DIS3L2: variants seen among roughly 807,000 people sequenced by gnomAD.
The protein encoded by DIS3L2 is DIS3-like exonuclease 2.
In DIS3L2, 34 loss-of-function variants were observed where a neutral mutation model predicts 97.5. That is an observed-to-expected ratio of 0.35 (90% CI 0.27 to 0.46). The LOEUF is 0.46. DIS3L2 is among the 20% of genes least tolerant of loss of function. The pLI, the probability that DIS3L2 is intolerant of heterozygous loss-of-function variation, is 1.00. For missense variants in DIS3L2, 1,038 were observed against 1,146.0 expected, an observed-to-expected ratio of 0.91 and a Z score of 1.36; for synonymous variants, 435 against 445.2, an observed-to-expected ratio of 0.98 and a Z score of 0.29.
chr2:232,253,765 A>G (rs1693479496), intron 12 of DIS3L2, among the ~76,000 whole-genome samples: 1 of 152,222 alleles, frequency 6.6e-6, no homozygotes, highest in South Asian at 2.1e-4. Flanking sequence ...AGTAGCAGAC[A>G]GGTTATATAG....
intron 1 of DIS3L2, among the ~76,000 whole-genome samples, chr2:232,013,415 C>G (rs1694266153): frequency 6.6e-6 from 1 of 152,224 alleles, no homozygotes; most frequent in Non-Finnish European, 1.5e-5. Context: ...CACTGCCTCC[C>G]TTCATATAGG....
At chr2:232,249,735 G>C (rs1693367129) in intron 12 of DIS3L2, among the ~76,000 whole-genome samples, 1 of 152,220 alleles carries the variant, frequency 6.6e-6, no homozygotes, top group Non-Finnish European at 1.5e-5. Flanking sequence ...ATTAGGTAAA[G>C]TGGGAAGTTT....
At chr2:232,227,856 C>T (rs1692689198) in intron 10 of DIS3L2, among the ~76,000 whole-genome samples, 1 of 152,256 alleles carries the variant, frequency 6.6e-6, no homozygotes, top group Non-Finnish European at 1.5e-5. Context: ...AGTTTATAGG[C>T]ATTTTAATAC....
At chr2:232,279,881 AT>A (rs1694238278) in intron 13 of DIS3L2, among the ~76,000 whole-genome samples, 2 of 152,094 alleles carry the variant, frequency 1.3e-5, no homozygotes, top group Admixed American at 6.5e-5. Context: ...CAGGTTTGTG[AT>A]TTGCAAATAC....
At chr2:232,108,067 G>A (rs777561430) in intron 6 of DIS3L2, among the ~76,000 whole-genome samples, 4 of 152,138 alleles carry the variant, frequency 2.6e-5, no homozygotes, top group Non-Finnish European at 5.9e-5. Flanking sequence ...AAACCTGGCA[G>A]AGTTAAATCA....
chr2:232,128,519 A>G (rs1354872182), intron 6 of DIS3L2, among the ~76,000 whole-genome samples: 1 of 127,194 alleles, frequency 7.9e-6, no homozygotes, highest in Non-Finnish European at 1.5e-5. Flanking sequence ...CAGTGGTGCA[A>G]TCTTGGCTCA....
At chr2:232,253,318 T>C (rs866048780) in intron 12 of DIS3L2, among the ~76,000 whole-genome samples, 8 of 152,308 alleles carry the variant, frequency 5.3e-5, no homozygotes, top group Middle Eastern at 3.4e-3. Flanking sequence ...GTGCCACCAG[T>C]GTAAATGTCA....
chr2:232,299,345 CCTT>C (rs895111839), intron 13 of DIS3L2, among the ~76,000 whole-genome samples: 26 of 152,304 alleles, frequency 1.7e-4, no homozygotes, highest in Non-Finnish European at 3.5e-4. Flanking sequence ...CTCATCTACT[CCTT>C]CTTTTTCTTT....
chr2:232,076,389 A>C (rs1003652503), intron 5 of DIS3L2, among the ~76,000 whole-genome samples: 2 of 152,180 alleles, frequency 1.3e-5, no homozygotes, highest in Non-Finnish European at 1.5e-5. Context: ...GGGCTGGACC[A>C]GTTCACATTC....
At chr2:232,091,750 A>G (rs555625152) in intron 6 of DIS3L2, among the ~76,000 whole-genome samples, 5 of 152,120 alleles carry the variant, frequency 3.3e-5, no homozygotes, top group African/African-American at 7.2e-5. Context: ...GATTATACTA[A>G]TTTACATTCT....
chr2:232,028,304 C>T (rs1393461766), intron 4 of DIS3L2, among the ~76,000 whole-genome samples: 1 of 152,106 alleles, frequency 6.6e-6, no homozygotes, highest in Non-Finnish European at 1.5e-5. Context: ...GAGCTGAAAT[C>T]TTTGGCCTAA....
chr2:232,126,360 T>A (rs1698065114), intron 6 of DIS3L2, among the ~76,000 whole-genome samples: 1 of 152,226 alleles, frequency 6.6e-6, no homozygotes, highest in Non-Finnish European at 1.5e-5. Flanking sequence ...GAAGTTAATT[T>A]CTATCTCACG....
intron 1 of DIS3L2, among the ~76,000 whole-genome samples, chr2:232,000,708 C>T: frequency 8.8e-6 from 1 of 113,808 alleles, no homozygotes; most frequent in African/African-American, 3.3e-5. Flanking sequence ...TTCTTTCCTT[C>T]TTTCTTTCTT....
chr2:232,091,530 C>T (rs1696836828), intron 6 of DIS3L2, among the ~76,000 whole-genome samples: 1 of 152,062 alleles, frequency 6.6e-6, no homozygotes, highest in Non-Finnish European at 1.5e-5. Context: ...GTATATCTGC[C>T]ACATTTTCTT....
chr2:232,161,353 T>C (rs1690645101), intron 8 of DIS3L2, among the ~76,000 whole-genome samples: 3 of 152,224 alleles, frequency 2.0e-5, no homozygotes, highest in South Asian at 2.1e-4. Context: ...TCCTTTCCGA[T>C]GTGAGCATTT....
chr2:232,283,791 G>T, intron 13 of DIS3L2, among the ~76,000 whole-genome samples: 1 of 152,186 alleles, frequency 6.6e-6, no homozygotes, highest in East Asian at 1.9e-4. Flanking sequence ...GATGGCGGGG[G>T]GAGCAGAGGG....
rs574711283 is a variant in DIS3L2, at chr2:232,063,994, A to T, written c.367-23493A>T. On this transcript the variant is annotated intron_variant, in intron 5 of 20. Transcript: ENST00000325385. ...TTTGGGTGTTTTTATGGAGTTTTGC[A>T]CTTTTCCTGTGTATAGATGCTGAGT... Among the ~76,000 whole-genome samples, 5 of 152,192 alleles carry T rather than the reference A, an allele frequency of 3.3e-5. No individual in the cohort carries two copies. In the East Asian group the frequency reaches 9.6e-4, roughly 29 times the overall value.
intron 6 of DIS3L2, among the ~76,000 whole-genome samples, chr2:232,117,162 A>G (rs1477930038): frequency 4.6e-5 from 7 of 152,176 alleles, no homozygotes; most frequent in Admixed American, 1.3e-4. Context: ...AGGTATGAAT[A>G]TGCTCTCTGG....
intron 1 of DIS3L2, among the ~76,000 whole-genome samples, chr2:231,981,438 T>G (rs1693252749): frequency 6.6e-6 from 1 of 151,360 alleles, no homozygotes; most frequent in African/African-American, 2.4e-5. Context: ...GATAGTCATT[T>G]TATCTGTAAA....
Sources: allele counts gnomAD v4.1 joint callset (sites outside exome capture counted in the v4.1 genomes callset), GRCh38; gene constraint gnomAD v4.1.1; transcripts MANE v1.5; gene names NCBI Gene and HGNC (gene_info 2026-07-23, HGNC 2026-07-21).